CNTN5: variants seen among roughly 807,000 people sequenced by gnomAD.
CNTN5 encodes contactin 5.
A neutral mutation model predicts 129.1 loss-of-function variants in CNTN5; 77 were observed. The observed-to-expected ratio is 0.60, with a 90% CI of 0.50 to 0.72. The LOEUF (loss-of-function observed/expected upper bound fraction) is 0.72. CNTN5 is among the 30% of genes least tolerant of loss of function. The pLI, the probability that CNTN5 is intolerant of heterozygous loss-of-function variation, is 0.00. For missense variants in CNTN5, 1,478 were observed against 1,328.8 expected (o/e 1.11, Z -1.75); for synonymous variants, 509 against 465.6 (o/e 1.09, Z -1.20).
At chr11:99,585,150 A>G (rs962198682) in intron 3 of CNTN5, among the ~76,000 whole-genome samples, 1 of 152,264 alleles carries the variant, frequency 6.6e-6, no homozygotes, top group Non-Finnish European at 1.5e-5. Flanking sequence ...TATAAGACAG[A>G]TGAAAGGATT....
chr11:99,046,207 G>C (rs546964399), intron 1 of CNTN5, among the ~76,000 whole-genome samples: 37 of 152,048 alleles, frequency 2.4e-4, no homozygotes, highest in Non-Finnish European at 5.1e-4. Context: ...GGGTGTGGTG[G>C]TGCACACCTG....
chr11:99,240,107 T>A (rs1291414757), intron 1 of CNTN5, among the ~76,000 whole-genome samples: 1 of 152,208 alleles, frequency 6.6e-6, no homozygotes, highest in Admixed American at 6.5e-5. Context: ...AATGTAATTG[T>A]CTTTATCATT....
At chr11:100,313,625 CAT>C (rs1190065922) in intron 21 of CNTN5, among the ~76,000 whole-genome samples, 1 of 151,828 alleles carries the variant, frequency 6.6e-6, no homozygotes, top group African/African-American at 2.4e-5. Flanking sequence ...GGGCTGAAAA[CAT>C]AGAGATGGCC....
chr11:99,951,030 A>G (rs1169936875), intron 7 of CNTN5, among the ~76,000 whole-genome samples: 1 of 152,144 alleles, frequency 6.6e-6, no homozygotes, highest in African/African-American at 2.4e-5. Context: ...TTTTACATGA[A>G]ATATTGCATT....
chr11:100,055,033 A>T (rs1943145051), intron 9 of CNTN5, among the ~76,000 whole-genome samples: 1 of 147,730 alleles, frequency 6.8e-6, no homozygotes. Flanking sequence ...TAGCCTAAAA[A>T]AAAAAAAAAA....
At chr11:99,608,492 G>A (rs76367199) in intron 3 of CNTN5, among the ~76,000 whole-genome samples, 1,645 of 152,280 alleles carry the variant, frequency 0.011, 34 homozygotes, top group African/African-American at 0.036. Flanking sequence ...AATGTAAAAT[G>A]AGTTGATGAG....
intron 3 of CNTN5, among the ~76,000 whole-genome samples, chr11:99,768,985 A>T (rs556869734): frequency 1.3e-5 from 2 of 152,002 alleles, no homozygotes; most frequent in Non-Finnish European, 2.9e-5. Context: ...CATTCCTTCT[A>T]TGTTTATGAC....
intron 1 of CNTN5, among the ~76,000 whole-genome samples, chr11:99,169,168 A>T (rs1486577667): frequency 6.6e-6 from 1 of 152,226 alleles, no homozygotes; most frequent in Non-Finnish European, 1.5e-5. Context: ...AGATACATGT[A>T]CTTTGCCCTT....
At chr11:99,581,317 G>C (rs1430772911) in intron 3 of CNTN5, among the ~76,000 whole-genome samples, 263 of 122,176 alleles carry the variant, frequency 2.2e-3, no homozygotes, top group Middle Eastern at 8.5e-3. Flanking sequence ...TGTTGATTTG[G>C]GGTGGAGAGT....
intron 13 of CNTN5, among the ~76,000 whole-genome samples, chr11:100,135,824 T>G (rs1164820273): frequency 6.6e-6 from 1 of 152,148 alleles, no homozygotes; most frequent in Non-Finnish European, 1.5e-5. Context: ...CATTCGGGTT[T>G]ATGATCTCTT....
At chr11:99,442,826 A>G (rs1375830329) in intron 2 of CNTN5, among the ~76,000 whole-genome samples, 1 of 152,220 alleles carries the variant, frequency 6.6e-6, no homozygotes, top group Non-Finnish European at 1.5e-5. Flanking sequence ...TCTGTGAACG[A>G]AGTGATACAA....
At chr11:99,388,414 C>CAAAAA (rs10652309) in intron 2 of CNTN5, among the ~76,000 whole-genome samples, 16,242 of 121,406 alleles carry the variant, frequency 0.13, 1,304 homozygotes, top group Middle Eastern at 0.18. Context: ...AACCCGGTCT[C>CAAAAA]AAAAAAAAAA....
chr11:99,450,004 G>A (rs778685652), intron 2 of CNTN5, among the ~76,000 whole-genome samples: 4 of 151,840 alleles, frequency 2.6e-5, no homozygotes, highest in Admixed American at 6.6e-5. Flanking sequence ...TTTTTTGATC[G>A]ACAAACTGAT....
intron 13 of CNTN5, among the ~76,000 whole-genome samples, chr11:100,142,162 C>T (rs555387781): frequency 1.1e-4 from 16 of 152,272 alleles, no homozygotes; most frequent in Non-Finnish European, 2.4e-4. Flanking sequence ...ACCTTCCCTT[C>T]CCTGGTTCTG....
chr11:99,287,003 T>C (rs1039100477), intron 1 of CNTN5, among the ~76,000 whole-genome samples: 11 of 152,172 alleles, frequency 7.2e-5, no homozygotes, highest in African/African-American at 2.7e-4. Flanking sequence ...ACAATACCTT[T>C]AAAATTCTGA....
intron 2 of CNTN5, among the ~76,000 whole-genome samples, chr11:99,386,239 T>C (rs1227183649): frequency 6.6e-6 from 1 of 152,190 alleles, no homozygotes; most frequent in Non-Finnish European, 1.5e-5. Context: ...CAAGAGAGGG[T>C]TCTTGGATCT....
intron 6 of CNTN5, among the ~76,000 whole-genome samples, chr11:99,852,145 T>C (rs982557667): frequency 6.6e-6 from 1 of 152,198 alleles, no homozygotes; most frequent in Non-Finnish European, 1.5e-5. Flanking sequence ...TTATCTTCCA[T>C]ATACAAATGA....
chr11:100,308,700 A>G (rs984072161), intron 21 of CNTN5: 146 of 1,114,242 alleles, frequency 1.3e-4, no homozygotes, highest in Non-Finnish European at 1.5e-4. Flanking sequence ...TTTTTAAAAG[A>G]TGAAATAGAG....
chr11:99,869,509 A>T (rs945002903), intron 6 of CNTN5, among the ~76,000 whole-genome samples: 1 of 152,232 alleles, frequency 6.6e-6, no homozygotes. Context: ...GCAAACATGC[A>T]AATGACCTCT....
Sources: gnomAD v4.1 joint callset for allele counts (sites outside exome capture counted in the v4.1 genomes callset) on GRCh38, gnomAD v4.1.1 for gene constraint, MANE v1.5 for transcripts, NCBI Gene and HGNC (gene_info 2026-07-23, HGNC 2026-07-21) for gene names.